AIMP1: variants seen among roughly 807,000 people sequenced by gnomAD.
AIMP1 encodes aminoacyl tRNA synthetase complex interacting multifunctional protein 1.
A neutral mutation model predicts 33.1 loss-of-function variants in AIMP1; 24 were observed. The ratio of observed to expected loss-of-function variants is 0.73; its 90% confidence interval spans 0.53 to 1.02. The LOEUF (loss-of-function observed/expected upper bound fraction) is 1.02. AIMP1 is among the 50% of genes least tolerant of loss of function. The probability of loss-of-function intolerance (pLI) is 0.00; values close to 1 mark genes in which losing one functional copy is unlikely to be tolerated. For missense variants in AIMP1, 367 were observed against 364.8 expected, an observed-to-expected ratio of 1.01 and a Z score of -0.05; for synonymous variants, 120 against 121.5, an observed-to-expected ratio of 0.99 and a Z score of 0.08.
chr4:106,343,439 G>C lies in AIMP1; in HGVS notation c.773-4087G>C, dbSNP rs560919502. 2.0e-5 allele frequency among the ~76,000 whole-genome samples: 3 copies of C among 152,240 alleles called. No individual in the cohort carries two copies. The East Asian group carries it at 5.8e-4, about 29-fold the overall frequency. On this transcript the variant is annotated intron_variant, in intron 6 of 6. Transcript: ENST00000672341. ...GACAGAAAATATGGATGAAAGCATG[G>C]AATAATTTCCTTGGAACTCATTTCT...
Position 106,347,611 on chromosome 4 carries a change from T to C in AIMP1, c.858T>C (p.Ala286=). Residue 286 remains alanine, a synonymous_variant, in exon 7 of 7, where the codon GCT becomes GCC. Transcript: ENST00000672341. ...PDLHTNDECV[A]TYKGVPFEVK... ...TTCACACTAATGATGAGTGTGTGGC[T>C]ACATACAAAGGAGTTCCCTTTGAGG... 1 of 1,613,522 alleles carries C rather than the reference T, an allele frequency of 6.2e-7. No homozygotes were observed. The highest frequency in any genetic ancestry group is 8.5e-7 in the Non-Finnish European group (1 of 1,179,708).
intron 6 of AIMP1, among the ~76,000 whole-genome samples, chr4:106,342,222 A>G (rs1219448022): frequency 6.6e-6 from 1 of 152,222 alleles, no homozygotes; most frequent in East Asian, 1.9e-4. Context: ...GTACAGAATC[A>G]TAAATCAGTG....
intron 6 of AIMP1, among the ~76,000 whole-genome samples, chr4:106,338,641 C>A (rs986691266): frequency 2.0e-5 from 3 of 152,212 alleles, no homozygotes; most frequent in African/African-American, 7.2e-5. Context: ...CCGTCATGAA[C>A]CTCTACTAAG....
At position 106,325,091 on chromosome 4, in the gene AIMP1, C is replaced by G; in HGVS notation, c.82C>G (p.Gln28Glu). ...ADQIIEYLKQ[Q>E]VSLLKEKAIL... ...TCAAATCATTGAATATCTTAAGCAG[C>G]AAGTTTCTCTACTTAAGGAGAAAGC... Residue 28 changes from glutamine to glutamate, a missense_variant, in exon 2 of 7, where the codon CAA becomes GAA. Coordinates refer to ENST00000672341, the MANE Select transcript of AIMP1 (RefSeq NM_001142416.2). 1 of 1,612,424 alleles carries G rather than the reference C, an allele frequency of 6.2e-7. No individual in the cohort carries two copies. The highest frequency in any genetic ancestry group is 8.5e-7 in the Non-Finnish European group (1 of 1,179,028).
intron 3 of AIMP1, 69 bp from the exon 4 acceptor site, chr4:106,328,007 C>T (rs540579738): frequency 1.9e-6 from 3 of 1,582,884 alleles, no homozygotes; most frequent in Non-Finnish European, 2.6e-6. Flanking sequence ...ATTTGTGGTT[C>T]ACAATTTCAT....
At position 106,329,091 on chromosome 4, in the gene AIMP1, C is replaced by A. The variant is rs1341792739; in HGVS notation, c.391+848C>A. ...TATAACATGCAGAGGGATTTATGAA[C>A]TAACCCAAGCCAATTTAGCCTCTAA... On this transcript the variant is annotated intron_variant, in intron 4 of 6. Coordinates refer to ENST00000672341, the MANE Select transcript of AIMP1 (RefSeq NM_001142416.2). Among the ~76,000 whole-genome samples the A allele has an allele frequency of 4.3e-4, 59 of 138,536 alleles. No individual in the cohort carries two copies. In the Admixed American group the frequency reaches 4.4e-3, roughly 10 times the overall value. 90.9% of individuals were successfully genotyped at this position (138,536 alleles called of 152,430 possible). A position where few individuals can be genotyped will look rare whatever the true frequency, so the allele number is the denominator to read the frequency against.
intron 6 of AIMP1, among the ~76,000 whole-genome samples, chr4:106,345,432 A>G (rs1414601630): frequency 6.6e-6 from 1 of 152,180 alleles, no homozygotes; most frequent in African/African-American, 2.4e-5. Flanking sequence ...ATGATTATAG[A>G]TTAAGGAATG....
intron 4 of AIMP1, among the ~76,000 whole-genome samples, chr4:106,331,386 A>G (rs1769670170): frequency 6.6e-6 from 1 of 152,206 alleles, no homozygotes; most frequent in Non-Finnish European, 1.5e-5. Flanking sequence ...GTAAAACTTT[A>G]TTTATGAAAA....
chr4:106,323,826 G>A (rs963505822), intron 1 of AIMP1, among the ~76,000 whole-genome samples: 1 of 152,054 alleles, frequency 6.6e-6, no homozygotes, highest in African/African-American at 2.4e-5. Context: ...ATACTAAAAT[G>A]AATGAATTGG....
At chr4:106,328,444 A>G (rs62318121) in intron 4 of AIMP1, among the ~76,000 whole-genome samples, 3 of 152,178 alleles carry the variant, frequency 2.0e-5, no homozygotes, top group Non-Finnish European at 4.4e-5. Flanking sequence ...CGGGGTAAAA[A>G]TGTGGCATTT....
intron 5 of AIMP1, among the ~76,000 whole-genome samples, chr4:106,332,633 A>G (rs1397390761): frequency 5.4e-5 from 8 of 148,364 alleles, no homozygotes; most frequent in African/African-American, 2.0e-4. Flanking sequence ...ATATATATAC[A>G]TATATATATA....
At chr4:106,320,850 G>C (rs1430171344) in intron 1 of AIMP1, among the ~76,000 whole-genome samples, 1 of 152,124 alleles carries the variant, frequency 6.6e-6, no homozygotes, top group East Asian at 1.9e-4. Context: ...CTCCCTGCCT[G>C]ATTCTCCTGC....
rs567857010 is a variant in AIMP1, at chr4:106,317,051, C to T, written c.-26+457C>T. Among the ~76,000 whole-genome samples the T allele has an allele frequency of 2.5e-4, 38 of 152,238 alleles. No individual in the cohort carries two copies. In the South Asian group the frequency reaches 7.7e-3, roughly 31 times the overall value. On this transcript the variant is annotated intron_variant, in intron 1 of 6. Transcript: ENST00000672341. The stretch of plus-strand genomic sequence containing the variant: ...GTAGCTCACATTTTAGAGAGGAAGG[C>T]ACATACTAAGCAAAGTAATTAGAAA...
Position 106,316,828 on chromosome 4 carries a change from A to G in AIMP1, c.-26+234A>G, listed in dbSNP as rs1768936258. ...GGCCTAAGTTAAGAATGCTACAGAA[A>G]AATATCGATCCCTAAGCGTATTTAC... On this transcript the variant is annotated intron_variant, in intron 1 of 6. Transcript: ENST00000672341. 6.0e-6 allele frequency: 3 copies of G among 498,210 alleles called. 1 individual carries two copies. The highest frequency in any genetic ancestry group is 1.1e-5 in the Non-Finnish European group (3 of 277,810). The allele number at this position is 498,210 out of a possible 1,614,324, so 30.9% of individuals were successfully genotyped here. A position where few individuals can be genotyped will look rare whatever the true frequency, so the allele number is the denominator to read the frequency against.
In AIMP1 at chr4:106,347,957, CT is replaced by C. The variant is rs889197454; in HGVS notation, c.*273del. The C allele has an allele frequency of 4.9e-5, 14 of 286,418 alleles. No homozygotes were observed. The highest frequency in any genetic ancestry group is 1.0e-4 in the Admixed American group (2 of 19,704). The allele number at this position is 286,418 out of a possible 1,614,324, so 17.7% of individuals were successfully genotyped here. Reference sequence around the variant, plus strand: ...TTTTAGCAGGAATATTGATTAGCAGCTTTTTTTTCTTTATACACATAGATAA... The same window carrying C: ...TTTTAGCAGGAATATTGATTAGCAGCTTTTTTTCTTTATACACATAGATAA... On this transcript the variant is annotated 3_prime_UTR_variant, in exon 7 of 7. Coordinates refer to ENST00000672341, the MANE Select transcript of AIMP1 (RefSeq NM_001142416.2).
In AIMP1 at chr4:106,343,868, G is replaced by A. The variant is rs183312879; in HGVS notation, c.773-3658G>A. ...TGCTTATTTCTATTGATATCGAGTC[G>A]TATTAATAGTAGAAATTAATAGATA... On this transcript the variant is annotated intron_variant, in intron 6 of 6. Coordinates refer to ENST00000672341, the MANE Select transcript of AIMP1 (RefSeq NM_001142416.2). Among the ~76,000 whole-genome samples, 135 of 152,254 alleles carry A rather than the reference G, an allele frequency of 8.9e-4. 4 individuals are homozygous for A. Among genetic ancestry groups the A allele is most frequent in the Admixed American group, 2.0e-3 (30 of 15,296 alleles).
chr4:106,328,512 A>G (rs1291427569), intron 4 of AIMP1, among the ~76,000 whole-genome samples: 3 of 152,168 alleles, frequency 2.0e-5, no homozygotes. Context: ...GTAGAAACCC[A>G]TATGTAGTTT....
chr4:106,346,692 A>C (rs1413914030), intron 6 of AIMP1, among the ~76,000 whole-genome samples: 2 of 152,196 alleles, frequency 1.3e-5, no homozygotes, highest in Non-Finnish European at 2.9e-5. Flanking sequence ...TAGAGCAGTG[A>C]TCTAGCTGCT....
chr4:106,327,698 A>T, intron 3 of AIMP1, 134 bp downstream of exon 3: 1 of 653,562 alleles, frequency 1.5e-6, no homozygotes, highest in South Asian at 1.9e-5. Flanking sequence ...ACTCAGATTT[A>T]TCAATAAAAT....
Sources: gnomAD v4.1 joint callset for allele counts (sites outside exome capture counted in the v4.1 genomes callset) on GRCh38, gnomAD v4.1.1 for gene constraint, MANE v1.5 for transcripts, NCBI Gene and HGNC (gene_info 2026-07-23, HGNC 2026-07-21) for gene names.